The following FBXO33 variants were observed in gnomAD, a reference collection of about 807,000 sequenced individuals.
FBXO33 encodes F-box only protein 33.
Under a neutral mutation model 46.3 loss-of-function variants are expected in FBXO33, and 22 were observed. The observed-to-expected ratio is 0.48, with a 90% CI of 0.34 to 0.68. FBXO33 has a LOEUF of 0.68. Among genes scored for constraint, FBXO33 ranks in the 30% least tolerant of loss-of-function variants. The pLI is 0.01. For missense variants in FBXO33, 692 were observed against 708.8 expected (o/e 0.98, Z 0.27); for synonymous variants, 337 against 291.3 (o/e 1.16, Z -1.60).
chr14:39,410,473 C>T (rs538683750), intron 1 of FBXO33, among the ~76,000 whole-genome samples: 1 of 152,320 alleles, frequency 6.6e-6, no homozygotes, highest in South Asian at 2.1e-4. Context: ...ATCAGAGACA[C>T]TGACCTATAG....
At position 39,397,872 on chromosome 14, in the gene FBXO33, T is replaced by A. The variant is rs1171066413; in HGVS notation, c.*1644A>T. 1.3e-5 allele frequency: 2 copies of A among 152,618 alleles called. No homozygotes were observed. The highest frequency in any genetic ancestry group is 1.3e-4 in the Admixed American group (2 of 15,274). The allele number at this position is 152,618 out of a possible 1,614,324, so 9.5% of individuals were successfully genotyped here. On this transcript the variant is annotated 3_prime_UTR_variant, in exon 4 of 4. Coordinates refer to ENST00000298097, the MANE Select transcript of FBXO33 (RefSeq NM_203301.4). ...CCTTACAGTTTCTGTCAGGAGTTAT[T>A]TTATCTGATCACATTTATAAGATAA...
intron 1 of FBXO33, among the ~76,000 whole-genome samples, chr14:39,419,093 T>A (rs1381513539): frequency 6.6e-6 from 1 of 152,250 alleles, no homozygotes. Flanking sequence ...GAAATTGAAG[T>A]GACCTGTTTC....
chr14:39,409,138 T>A (rs140692663), intron 1 of FBXO33, among the ~76,000 whole-genome samples: 77 of 152,264 alleles, frequency 5.1e-4, no homozygotes, highest in African/African-American at 1.8e-3. Context: ...TTGTTTTTGG[T>A]GTCAAACCAC....
Position 39,399,647 on chromosome 14 carries a change from G to C in FBXO33, c.1537C>G (p.Leu513Val), listed in dbSNP as rs760783987. ...AGGCCCAGGGATACCTGCTCAATAAGGTTATGCACTGGATCTACATCCTGG... is the reference window on the plus strand; with the variant it reads ...AGGCCCAGGGATACCTGCTCAATAACGTTATGCACTGGATCTACATCCTGG... ...ADQDVDPVHN[L>V]IEQVSLGLGQ... Residue 513 changes from leucine (L) to valine (V), a missense_variant, in exon 4 of 4, where the codon CTT (leucine) becomes GTT (valine). Leu to Val is a conservative substitution (Grantham distance 32). Around this residue, in one of 3 missense-constraint regions of FBXO33, gnomAD observed 94 missense variants for 91.9 expected, o/e 1.02. Coordinates refer to ENST00000298097, the MANE Select transcript of FBXO33 (RefSeq NM_203301.4). The C allele has an allele frequency of 2.6e-5, 42 of 1,613,906 alleles. No homozygotes were observed. Among genetic ancestry groups the C allele is most frequent in the Non-Finnish European group, 3.5e-5 (41 of 1,179,984 alleles).
Position 39,399,680 on chromosome 14 carries a change from G to C in FBXO33, c.1504C>G (p.Leu502Val). Reference protein sequence around the residue: ...EESIDFDQGELADQDVDPVHN... With the variant: ...EESIDFDQGEVADQDVDPVHN... ...ACTGGATCTACATCCTGGTCGGCCA[G>C]TTCACCTTGGTCAAAATCAATGCTT... The change falls in exon 4 of 4, where the codon CTG becomes GTG. Residue 502 changes from leucine to valine, a missense_variant. This residue lies in a region of FBXO33 where 94 missense variants were observed against 91.9 expected (regional missense o/e 1.02). Transcript: ENST00000298097. 6.2e-7 allele frequency: 1 copy of C among 1,614,052 alleles called. No individual in the cohort carries two copies.
chr14:39,409,304 G>A (rs2075412392), intron 1 of FBXO33, among the ~76,000 whole-genome samples: 1 of 152,030 alleles, frequency 6.6e-6, no homozygotes, highest in African/African-American at 2.4e-5. Context: ...TTTTGCCTGT[G>A]GATTTTCAGT....
intron 2 of FBXO33, 108 bp from the exon 3 acceptor site, chr14:39,401,969 T>G: frequency 1.2e-6 from 1 of 842,400 alleles, no homozygotes; most frequent in Non-Finnish European, 1.8e-6. Flanking sequence ...TGAGATCTAT[T>G]TTTCCTCATT....
At position 39,401,570 on chromosome 14, in the gene FBXO33, C is replaced by G; in HGVS notation, c.1002G>C (p.Leu334Phe). The change falls in exon 3 of 4, where the codon TTG (leucine) becomes TTC (phenylalanine). Residue 334 changes from leucine to phenylalanine, a missense_variant. Leu to Phe is a conservative substitution (Grantham distance 22). Coordinates refer to ENST00000298097, the MANE Select transcript of FBXO33 (RefSeq NM_203301.4). The part of the protein sequence containing the change: ...RVLTDSNHVP[L>F]QRLSLLVHNV... Reference sequence around the variant, plus strand: ...TGTGAACCAGAAGAGACAGTCGTTGCAAAGGCACATGGTTGCTATCAGTTA... The same window carrying G: ...TGTGAACCAGAAGAGACAGTCGTTGGAAAGGCACATGGTTGCTATCAGTTA... 2 of 1,614,188 alleles carry G rather than the reference C, an allele frequency of 1.2e-6. No individual in the cohort carries two copies. Among genetic ancestry groups the G allele is most frequent in the Non-Finnish European group, 1.7e-6 (2 of 1,180,040 alleles).
chr14:39,420,551 G>A (rs2075477600), intron 1 of FBXO33, among the ~76,000 whole-genome samples: 2 of 152,086 alleles, frequency 1.3e-5, no homozygotes, highest in South Asian at 2.1e-4. Flanking sequence ...GCCAGGCGTG[G>A]TGGTGGGCAC....
rs1486995575 is a variant in FBXO33 at position 39,431,690 on chromosome 14, C to A, written c.473G>T (p.Gly158Val). The A allele has an allele frequency of 1.2e-6, 2 of 1,613,328 alleles. No homozygotes were observed. Among genetic ancestry groups the A allele is most frequent in the Non-Finnish European group, 1.7e-6 (2 of 1,180,014 alleles). Residue 158 changes from glycine (G) to valine (V), a missense_variant, in exon 1 of 4, where the codon GGT becomes GTT. Physicochemically the swap from Gly to Val is moderately radical, Grantham distance 109. Transcript: ENST00000298097. ...CCCTCCAGTCCCGGTGTCCGCGCCA[C>A]CTCCGTCCCCTGGGCCACCGCCGCT... The part of the protein sequence containing the change: ...YLSGGGPGDG[G>V]GADTGTGGEE...
chr14:39,424,701 G>C (rs1193820090), intron 1 of FBXO33, among the ~76,000 whole-genome samples: 1 of 152,072 alleles, frequency 6.6e-6, no homozygotes, highest in Non-Finnish European at 1.5e-5. Flanking sequence ...TTATATGAGA[G>C]TTAATATAGC....
intron 1 of FBXO33, among the ~76,000 whole-genome samples, chr14:39,424,014 T>G (rs1037210556): frequency 1.3e-5 from 2 of 152,228 alleles, no homozygotes; most frequent in Non-Finnish European, 2.9e-5. Context: ...CTACGTGTAC[T>G]CAATGTTTAG....
Position 39,432,201 on chromosome 14 carries a change from T to G in FBXO33, c.-39A>C, listed in dbSNP as rs1651197637. 2.5e-6 allele frequency: 3 copies of G among 1,203,924 alleles called. No homozygotes were observed. Among genetic ancestry groups the G allele is most frequent in the Non-Finnish European group, 2.1e-6 (2 of 967,990 alleles). 74.6% of individuals were successfully genotyped at this position (1,203,924 alleles called of 1,614,324 possible). ...GAAGGGGGCGGAACCGTCGTGGGTC[T>G]CGGCGGAACCAAGTAGAACACAAGT... On this transcript the variant is annotated 5_prime_UTR_variant, in exon 1 of 4. Coordinates refer to ENST00000298097, the MANE Select transcript of FBXO33 (RefSeq NM_203301.4).
intron 1 of FBXO33, among the ~76,000 whole-genome samples, chr14:39,405,039 T>A (rs1276086809): frequency 6.6e-6 from 1 of 150,992 alleles, no homozygotes; most frequent in Admixed American, 6.6e-5. Context: ...TTCCAGCTAC[T>A]TGGGAGGCTA....
rs57604339 is a variant in FBXO33 at position 39,398,465 on chromosome 14, CTTTTTT to C, written c.*1045_*1050del. On this transcript the variant is annotated 3_prime_UTR_variant, in exon 4 of 4. Transcript: ENST00000298097. ...TGAAACAGGTGCATGTTTTTTTTTT[CTTTTTT>C]TTTTTTTTTTGTTTTGTTTTTTCAG... 1 of 125,886 alleles carries C rather than the reference CTTTTTT, an allele frequency of 7.9e-6. No individual in the cohort carries two copies. Among genetic ancestry groups the C allele is most frequent in the African/African-American group, 3.0e-5 (1 of 33,858 alleles). 7.8% of individuals were successfully genotyped at this position (125,886 alleles called of 1,614,324 possible). A position where few individuals can be genotyped will look rare whatever the true frequency, so the allele number is the denominator to read the frequency against.
rs1177840493 is a variant in FBXO33, at chr14:39,401,276, A to T, written c.1296T>A (p.Ile432=). The T allele has an allele frequency of 6.2e-7, 1 of 1,614,012 alleles. No homozygotes were observed. The highest frequency in any genetic ancestry group is 1.3e-5 in the African/African-American group (1 of 74,932). The change falls in exon 3 of 4, where the codon ATT becomes ATA. Residue 432 remains isoleucine (I), a synonymous_variant. Transcript: ENST00000298097. ...LTHFILMNDV[I]DTSGFPDLSD... ...TAAGATCTGGAAAACCAGATGTGTC[A>T]ATCACATCATTCATTAAAATAAAAT...
chr14:39,401,886 T>C, intron 2 of FBXO33, 25 bp from the exon 3 acceptor site: 4 of 1,548,814 alleles, frequency 2.6e-6, no homozygotes, highest in Non-Finnish European at 3.5e-6. Context: ...CATGCCACAG[T>C]GATCCCATTA....
In FBXO33 at chr14:39,413,173, A is replaced by G. The variant is rs547814347; in HGVS notation, c.600-10662T>C. Among the ~76,000 whole-genome samples the G allele has an allele frequency of 2.0e-5, 3 of 152,374 alleles. No homozygotes were observed. The South Asian group carries it at 6.2e-4, about 32-fold the overall frequency. ...CCTTAAACTCTGCTGCTACTTTATC[A>G]GCTAAGTTTACGGAATATTCTAAAG... On this transcript the variant is annotated intron_variant, in intron 1 of 3. Coordinates refer to ENST00000298097, the MANE Select transcript of FBXO33 (RefSeq NM_203301.4).
chr14:39,409,257 T>A (rs2075412145), intron 1 of FBXO33, among the ~76,000 whole-genome samples: 1 of 152,200 alleles, frequency 6.6e-6, no homozygotes, highest in Admixed American at 6.5e-5. Flanking sequence ...TTGCTTTGAT[T>A]TCTGGCCATG....
Sources: allele counts gnomAD v4.1 joint callset (sites outside exome capture counted in the v4.1 genomes callset), GRCh38; gene constraint gnomAD v4.1.1; regional missense constraint gnomAD v4.1.1; transcripts MANE v1.5; gene names NCBI Gene and HGNC (gene_info 2026-07-23, HGNC 2026-07-21).